Variants in STAG1 observed in about 807,000 individuals in gnomAD.
STAG1 encodes the protein STAG1 cohesin complex component.
A neutral mutation model predicts 170.9 loss-of-function variants in STAG1; 26 were observed. That is an observed-to-expected ratio of 0.15 (90% confidence interval 0.11 to 0.21). The LOEUF is 0.21. STAG1 is among the 10% of genes least tolerant of loss of function. The probability of loss-of-function intolerance (pLI) is 1.00; values close to 1 mark genes in which losing one functional copy is unlikely to be tolerated. For missense variants in STAG1, 964 were observed against 1,509.5 expected (o/e 0.64, Z 5.99); for synonymous variants, 514 against 497.7 (o/e 1.03, Z -0.44).
chr3:136,452,097 C>A lies in STAG1; in HGVS notation c.1364G>T (p.Arg455Met), dbSNP rs1055237859. Residue 455 changes from arginine to methionine, a missense_variant, in exon 14 of 34, where the codon AGG (arginine) becomes ATG (methionine). By Grantham distance (91) the Arg-to-Met change is moderately conservative (BLOSUM62 -1). Coordinates refer to ENST00000383202, the MANE Select transcript of STAG1 (RefSeq NM_005862.3). ...PQAEEALAKR[R>M]GRNSPNGNLI... ...GTTTCCATTCGGGCTGTTTCTTCCCCTCCTCTTTGCTAATGCTTCTTCTGC... is the reference window on the plus strand; with the variant it reads ...GTTTCCATTCGGGCTGTTTCTTCCCATCCTCTTTGCTAATGCTTCTTCTGC... The A allele has an allele frequency of 6.2e-7, 1 of 1,613,536 alleles. No homozygotes were observed.
chr3:136,463,760 T>C (rs2089347677), intron 13 of STAG1, among the ~76,000 whole-genome samples: 2 of 87,486 alleles, frequency 2.3e-5, no homozygotes, highest in Middle Eastern at 5.8e-3. Context: ...TGTGTGTGTG[T>C]GTGTGTGTAT....
intron 9 of STAG1, among the ~76,000 whole-genome samples, chr3:136,488,236 C>T (rs917575580): frequency 6.6e-6 from 1 of 152,216 alleles, no homozygotes; most frequent in East Asian, 1.9e-4. Context: ...GATTCTCCTG[C>T]CTCAGCCTCC....
Position 136,343,846 on chromosome 3 carries a change from T to C in STAG1, c.3432A>G (p.Pro1144=), listed in dbSNP as rs1207863259. ...QEPESEHGSE[P]DFLHNPQMQI... Reference sequence around the variant, plus strand: ...TTGCTACTTACTTGTGTAAAAAGTCTGGTTCAGAACCATGTTCAGACTCAG... The same window carrying C: ...TTGCTACTTACTTGTGTAAAAAGTCCGGTTCAGAACCATGTTCAGACTCAG... Residue 1144 remains proline (P), a synonymous_variant, in exon 30 of 34, where the codon CCA becomes CCG. Transcript: ENST00000383202. The C allele has an allele frequency of 1.3e-6, 2 of 1,553,398 alleles. No individual in the cohort carries two copies. Among genetic ancestry groups the C allele is most frequent in the Admixed American group, 4.2e-5 (2 of 47,092 alleles).
chr3:136,442,618 A>C (rs768019912), intron 15 of STAG1, among the ~76,000 whole-genome samples: 4 of 152,146 alleles, frequency 2.6e-5, no homozygotes, highest in Non-Finnish European at 5.9e-5. Context: ...GCTGTGGTCT[A>C]ATTAAATCAT....
intron 5 of STAG1, among the ~76,000 whole-genome samples, chr3:136,546,614 G>T (rs1936165685): frequency 6.6e-6 from 1 of 152,088 alleles, no homozygotes; most frequent in Non-Finnish European, 1.5e-5. Context: ...AGAAAAGGCT[G>T]AACTCTTCTC....
At chr3:136,386,000 C>A (rs536151749) in intron 22 of STAG1, among the ~76,000 whole-genome samples, 1 of 152,142 alleles carries the variant, frequency 6.6e-6, no homozygotes, top group Non-Finnish European at 1.5e-5. Flanking sequence ...CCATGCTTAG[C>A]CAAGAAGAGA....
chr3:136,547,960 C>T (rs1936228057), intron 5 of STAG1, among the ~76,000 whole-genome samples: 1 of 152,150 alleles, frequency 6.6e-6, no homozygotes, highest in South Asian at 2.1e-4. Context: ...TTTTCCCAAA[C>T]ACCATTTGTT....
chr3:136,685,300 A>AT (rs2107891369), intron 1 of STAG1, among the ~76,000 whole-genome samples: 1 of 152,022 alleles, frequency 6.6e-6, no homozygotes, highest in South Asian at 2.1e-4. Flanking sequence ...TGGGCGACAG[A>AT]ATGAGACTTC....
intron 1 of STAG1, among the ~76,000 whole-genome samples, chr3:136,666,413 T>A (rs191719303): frequency 1.8e-3 from 281 of 152,308 alleles, no homozygotes; most frequent in Non-Finnish European, 2.9e-3. Flanking sequence ...TGTGGTAATT[T>A]ACTGTAGCAA....
chr3:136,724,600 T>A (rs144226359), intron 1 of STAG1, among the ~76,000 whole-genome samples: 873 of 103,782 alleles, frequency 8.4e-3, no homozygotes, highest in Non-Finnish European at 8.6e-3. Flanking sequence ...GAATGATCAA[T>A]AAAAAAAAAA....
At position 136,452,139 on chromosome 3, in the gene STAG1, C is replaced by T; in HGVS notation, c.1322G>A (p.Ser441Asn). ...TTCTTCTGCTTGTGGGTCATGTCTG[C>T]TAAATAGCCTGGAAATGAAAAACAG... ...AGEFLHKKLF[S>N]RHDPQAEEAL... The change falls in exon 14 of 34, where the codon AGC becomes AAC. Residue 441 changes from serine (S) to asparagine (N), a missense_variant. Around this residue, in one of 11 missense-constraint regions of STAG1, gnomAD observed 162 missense variants for 211.2 expected, o/e 0.77. Transcript: ENST00000383202. 6.2e-7 allele frequency: 1 copy of T among 1,610,882 alleles called. No individual in the cohort carries two copies.
At chr3:136,346,128 A>G (rs779201651) in intron 29 of STAG1, among the ~76,000 whole-genome samples, 3 of 152,314 alleles carry the variant, frequency 2.0e-5, no homozygotes, top group South Asian at 2.1e-4. Flanking sequence ...GTCACTGTCT[A>G]TATGTTCCCA....
chr3:136,504,725 A>T (rs1933668354), intron 7 of STAG1, among the ~76,000 whole-genome samples: 1 of 152,228 alleles, frequency 6.6e-6, no homozygotes, highest in Non-Finnish European at 1.5e-5. Flanking sequence ...GGAGCTGAAA[A>T]GCATTAAAAT....
At chr3:136,608,755 G>A (rs1939094520) in intron 3 of STAG1, among the ~76,000 whole-genome samples, 1 of 132,798 alleles carries the variant, frequency 7.5e-6, no homozygotes, top group African/African-American at 2.9e-5. Context: ...AGTGAGCCGT[G>A]ATTGTAGCAC....
intron 1 of STAG1, among the ~76,000 whole-genome samples, chr3:136,686,581 C>T (rs1162180909): frequency 1.3e-5 from 2 of 152,162 alleles, no homozygotes; most frequent in Non-Finnish European, 2.9e-5. Flanking sequence ...GCAACAAGAA[C>T]AGAGCTTAAA....
chr3:136,548,955 G>A (rs549746811), intron 5 of STAG1, among the ~76,000 whole-genome samples: 2 of 152,266 alleles, frequency 1.3e-5, no homozygotes, highest in Admixed American at 6.5e-5. Context: ...ATGTGAAGAT[G>A]TGCCTGCTTT....
chr3:136,588,654 G>T (rs1419514640), intron 4 of STAG1, among the ~76,000 whole-genome samples: 16 of 146,808 alleles, frequency 1.1e-4, no homozygotes, highest in South Asian at 8.5e-4. Context: ...TTTTTTTTTT[G>T]TCTCCCTCTG....
At chr3:136,506,645 C>CAAAA (rs1248797469) in intron 7 of STAG1, among the ~76,000 whole-genome samples, 1 of 46,530 alleles carries the variant, frequency 2.1e-5, no homozygotes, top group Admixed American at 2.2e-4. Context: ...GACTCCACCT[C>CAAAA]AAAAAAAAAA....
chr3:136,340,279 C>T (rs1226878106), intron 32 of STAG1, among the ~76,000 whole-genome samples: 2 of 152,050 alleles, frequency 1.3e-5, no homozygotes, highest in South Asian at 2.1e-4. Context: ...CGTGCCACCA[C>T]GCCTGGCTAA....
Sources: gnomAD v4.1 joint callset for allele counts (sites outside exome capture counted in the v4.1 genomes callset) on GRCh38, gnomAD v4.1.1 for gene constraint, gnomAD v4.1.1 regional missense constraint, MANE v1.5 for transcripts, NCBI Gene and HGNC (gene_info 2026-07-23, HGNC 2026-07-21) for gene names.